Variants in SNTG1 observed in about 807,000 individuals in gnomAD.
SNTG1 encodes the protein syntrophin gamma 1, also known as gamma-1-syntrophin.
Under a neutral mutation model 74.7 loss-of-function variants are expected in SNTG1, and 39 were observed. The ratio of observed to expected loss-of-function variants is 0.52; its 90% CI spans 0.40 to 0.68. The LOEUF is 0.68. SNTG1 is among the 30% of genes least tolerant of loss of function. The pLI is 0.00. For synonymous variants in SNTG1, 254 were observed against 217.1 expected (o/e 1.17, Z -1.49); for missense variants, 685 against 609.5 (o/e 1.12, Z -1.30).
At position 49,958,116 on chromosome 8, in the gene SNTG1, C is replaced by T. The variant is rs111829635; in HGVS notation, c.-103+45885C>T. 5.0e-3 allele frequency among the ~76,000 whole-genome samples: 762 copies of T among 152,054 alleles called. 3 individuals are homozygous for T. Among genetic ancestry groups the T allele is most frequent in the African/African-American group, 0.013 (520 of 41,470 alleles). On this transcript the variant is annotated intron_variant, in intron 1 of 18. Coordinates refer to ENST00000642720, the MANE Select transcript of SNTG1 (RefSeq NM_018967.5). ...GGGATTCAAATAAATGTGGAGACCA[C>T]GAAATGAAGGTAGGTGAGAGAGAAG...
intron 18 of SNTG1, among the ~76,000 whole-genome samples, chr8:50,752,347 T>C (rs887897197): frequency 6.6e-6 from 1 of 152,018 alleles, no homozygotes; most frequent in African/African-American, 2.4e-5. Flanking sequence ...TAGTTTTAAT[T>C]CCTTATGAAC....
chr8:50,221,947 T>G (rs2085091412), intron 2 of SNTG1, among the ~76,000 whole-genome samples: 1 of 151,788 alleles, frequency 6.6e-6, no homozygotes, highest in African/African-American at 2.4e-5. Flanking sequence ...GAAGCTAGGG[T>G]TTTTCAAAGA....
intron 5 of SNTG1, among the ~76,000 whole-genome samples, chr8:50,444,764 A>AAAAAG (rs71233494): frequency 0.7 from 98,536 of 139,936 alleles, 38,541 homozygotes; most frequent in Non-Finnish European, 0.87. Flanking sequence ...AAAAAAAAAA[A>AAAAAG]AAAGAAAGAG....
intron 2 of SNTG1, among the ~76,000 whole-genome samples, chr8:50,369,556 A>G (rs1297898500): frequency 2.0e-5 from 3 of 151,946 alleles, no homozygotes; most frequent in Non-Finnish European, 4.4e-5. Context: ...AGATTGCATC[A>G]TTGCACCCCA....
At chr8:50,172,072 A>G (rs1215569493) in intron 1 of SNTG1, among the ~76,000 whole-genome samples, 2 of 152,196 alleles carry the variant, frequency 1.3e-5, no homozygotes, top group Non-Finnish European at 2.9e-5. Context: ...CAATTACAGT[A>G]TGTTTTAAGA....
chr8:50,717,901 C>T (rs1479367584), intron 17 of SNTG1, among the ~76,000 whole-genome samples: 1 of 152,164 alleles, frequency 6.6e-6, no homozygotes, highest in Non-Finnish European at 1.5e-5. Context: ...TGCTACTGTG[C>T]TACCATCCTC....
chr8:49,949,282 T>C (rs1337693523), intron 1 of SNTG1, among the ~76,000 whole-genome samples: 1 of 152,224 alleles, frequency 6.6e-6, no homozygotes, highest in Admixed American at 6.5e-5. Context: ...GATGTCATCA[T>C]GTGAAAAATG....
intron 1 of SNTG1, among the ~76,000 whole-genome samples, chr8:49,937,603 G>C (rs1808204736): frequency 6.6e-6 from 1 of 152,096 alleles, no homozygotes; most frequent in Non-Finnish European, 1.5e-5. Flanking sequence ...GAAATATGAA[G>C]GACAATGAAA....
At chr8:49,965,205 T>C (rs1276320137) in intron 1 of SNTG1, among the ~76,000 whole-genome samples, 5 of 151,644 alleles carry the variant, frequency 3.3e-5, no homozygotes, top group African/African-American at 1.2e-4. Context: ...AAAAGTCAAC[T>C]GTGACAATCT....
intron 4 of SNTG1, among the ~76,000 whole-genome samples, chr8:50,430,288 T>G (rs562558597): frequency 6.6e-6 from 1 of 152,276 alleles, no homozygotes; most frequent in South Asian, 2.1e-4. Flanking sequence ...ACTGTGTATA[T>G]TCACATATCT....
At chr8:50,541,243 C>CTGTG (rs200129335) in intron 11 of SNTG1, among the ~76,000 whole-genome samples, 17,560 of 142,930 alleles carry the variant, frequency 0.12, 1,180 homozygotes, top group South Asian at 0.27. Context: ...AAGATTTTAC[C>CTGTG]TGTGTGTGTG....
chr8:50,436,615 A>G (rs1162122646), intron 4 of SNTG1, among the ~76,000 whole-genome samples: 2 of 152,134 alleles, frequency 1.3e-5, no homozygotes, highest in Middle Eastern at 3.2e-3. Flanking sequence ...GAATGGATGA[A>G]GTTGTATGAA....
At chr8:50,275,861 C>T (rs2088071297) in intron 2 of SNTG1, among the ~76,000 whole-genome samples, 1 of 152,148 alleles carries the variant, frequency 6.6e-6, no homozygotes, top group South Asian at 2.1e-4. Context: ...CCATGACCAC[C>T]ATTCTTACTT....
At position 50,409,596 on chromosome 8, in the gene SNTG1, A is replaced by T. The variant is rs185918549; in HGVS notation, c.162+7252A>T. 1.6e-3 allele frequency among the ~76,000 whole-genome samples: 238 copies of T among 152,282 alleles called. 2 individuals carry two copies. The highest frequency in any genetic ancestry group is 0.01 in the Middle Eastern group (3 of 294). ...TCAGTTAACATACAAGAAAGCAATC[A>T]TCTTCCCCTGGTGCTCCAGGGGAGC... On this transcript the variant is annotated intron_variant, in intron 4 of 18. Coordinates refer to ENST00000642720, the MANE Select transcript of SNTG1 (RefSeq NM_018967.5).
chr8:50,781,059 G>A (rs910765351), intron 18 of SNTG1, among the ~76,000 whole-genome samples: 4 of 152,168 alleles, frequency 2.6e-5, no homozygotes, highest in Admixed American at 2.0e-4. Flanking sequence ...TTGCACTGTG[G>A]TCTGAGAGAC....
chr8:50,097,385 G>A lies in SNTG1; in HGVS notation c.-102-75176G>A, dbSNP rs145594344. ...ATGTAGCTTTAAAAAAAATTAAAAT[G>A]AAATTATTTCTTTCTTGTAGTTTTT... On this transcript the variant is annotated intron_variant, in intron 1 of 18. Transcript: ENST00000642720. Among the ~76,000 whole-genome samples, 6 of 152,196 alleles carry A rather than the reference G, an allele frequency of 3.9e-5. No individual in the cohort carries two copies. The East Asian group carries it at 9.6e-4, about 24-fold the overall frequency.
In SNTG1 at chr8:50,792,927, G is replaced by A. The variant is rs73677532; in HGVS notation, c.*98G>A. ...AGAGAAACCATAACATCACCAAGTC[G>A]ACAGTGGAGGCAAATCAAAATTTCG... On this transcript the variant is annotated 3_prime_UTR_variant, in exon 19 of 19. Coordinates refer to ENST00000642720, the MANE Select transcript of SNTG1 (RefSeq NM_018967.5). 2.9e-3 allele frequency: 3,836 copies of A among 1,332,306 alleles called. 82 individuals carry two copies. In the African/African-American group the frequency reaches 0.05, roughly 17 times the overall value. The allele number at this position is 1,332,306 out of a possible 1,614,324, so 82.5% of individuals were successfully genotyped here.
At chr8:50,104,957 A>AT (rs1394885274) in intron 1 of SNTG1, among the ~76,000 whole-genome samples, 4 of 151,962 alleles carry the variant, frequency 2.6e-5, no homozygotes, top group South Asian at 2.1e-4. Flanking sequence ...AGGATGCAGA[A>AT]TTTGCAAATA....
intron 1 of SNTG1, among the ~76,000 whole-genome samples, chr8:50,143,651 G>C (rs2131483787): frequency 1.3e-5 from 2 of 152,320 alleles, no homozygotes; most frequent in South Asian, 4.1e-4. Context: ...TTAGCAAGCA[G>C]TCTGTAAAAG....
Sources: gnomAD v4.1 joint callset for allele counts (sites outside exome capture counted in the v4.1 genomes callset) on GRCh38, gnomAD v4.1.1 for gene constraint, MANE v1.5 for transcripts, NCBI Gene and HGNC (gene_info 2026-07-23, HGNC 2026-07-21) for gene names.